The following CRIP2 variants were observed in gnomAD, a reference collection of about 807,000 sequenced individuals.
The protein encoded by CRIP2 is cysteine rich protein 2.
CRIP2 carries 31 observed loss-of-function variants against 31.3 expected under a neutral mutation model. The observed-to-expected ratio is 0.99, with a 90% CI of 0.74 to 1.34. CRIP2 has a LOEUF of 1.34. CRIP2 is among the 40% of genes most tolerant of loss of function. The pLI, the probability that CRIP2 is intolerant of heterozygous loss-of-function variation, is 0.00. For missense variants in CRIP2, 389 were observed against 301.6 expected (o/e 1.29, Z -2.15); for synonymous variants, 177 against 127.2 (o/e 1.39, Z -2.63).
chr14:105,474,965 C>G lies in CRIP2; in HGVS notation c.43+60C>G, dbSNP rs2083900918. 7.0e-7 allele frequency: 1 copy of G among 1,431,452 alleles called. No individual in the cohort carries two copies. Among genetic ancestry groups the G allele is most frequent in the Non-Finnish European group, 9.2e-7 (1 of 1,087,184 alleles). 88.7% of individuals were successfully genotyped at this position (1,431,452 alleles called of 1,614,324 possible). ...ATCCCGCCGCCCTTCGCGGCCAGTCCCGCGCCGCAGAGCCGCGGCGTAACT... is the reference window on the plus strand; with the variant it reads ...ATCCCGCCGCCCTTCGCGGCCAGTCGCGCGCCGCAGAGCCGCGGCGTAACT... On this transcript the variant is annotated intron_variant, in intron 1 of 7. Coordinates refer to ENST00000329146, the MANE Select transcript of CRIP2 (RefSeq NM_001312.4). This position sits in a 1 kb window ranked among gnomAD's most constrained non-coding sequence, Gnocchi z 5.1.
At chr14:105,476,214 C>T (rs1178636788) in intron 1 of CRIP2, 1 of 985,364 alleles carries the variant, frequency 1.0e-6, no homozygotes, top group Non-Finnish European at 1.2e-6. Context: ...CGGGCCAGGC[C>T]AGCCTGGGGC....
upstream of CRIP2, among the ~76,000 whole-genome samples, chr14:105,473,972 C>T (rs587722707): frequency 1.3e-5 from 2 of 152,308 alleles, no homozygotes; most frequent in South Asian, 4.1e-4. Flanking sequence ...CCCCTCCTTC[C>T]CTTCCTAACT....
At chr14:105,473,415 C>T (rs2083874975), upstream of CRIP2, 1 of 1,535,694 alleles carries the variant, frequency 6.5e-7, no homozygotes, top group Non-Finnish European at 8.7e-7. Context: ...GAGGGTGCTG[C>T]CACAGAGAGC....
chr14:105,478,221 G>C lies in CRIP2; in HGVS notation c.44-45G>C, dbSNP rs1256374092. ...TGCCAGGTGGGGGCGGAGGGGGTGC[G>C]GGGCGCGCCCCGGCCCTGACCCCCC... On this transcript the variant is annotated intron_variant, in intron 1 of 7. Coordinates refer to ENST00000329146, the MANE Select transcript of CRIP2 (RefSeq NM_001312.4). This position sits in a 1 kb window ranked among gnomAD's most constrained non-coding sequence, Gnocchi z 4.9. 5 of 1,418,296 alleles carry C rather than the reference G, an allele frequency of 3.5e-6. No homozygotes were observed. In the African/African-American group the frequency reaches 6.0e-5, roughly 17 times the overall value. 87.9% of individuals were successfully genotyped at this position (1,418,296 alleles called of 1,614,324 possible). A position where few individuals can be genotyped will look rare whatever the true frequency, so the allele number is the denominator to read the frequency against.
chr14:105,479,365 T>C, intron 6 of CRIP2, 71 bp from the exon 7 acceptor site: 1 of 1,602,004 alleles, frequency 6.2e-7, no homozygotes. Context: ...GCCTGCACGT[T>C]CTGGAAGCCT....
chr14:105,473,139 T>G, upstream of CRIP2: 1 of 1,325,864 alleles, frequency 7.5e-7, no homozygotes, highest in Non-Finnish European at 1.0e-6. Context: ...TGGAGAGGGT[T>G]TGGCAGTGGG....
Position 105,479,180 on chromosome 14 carries a change from G to T in CRIP2, c.462G>T (p.Glu154Asp), listed in dbSNP as rs959740616. 7 of 1,611,602 alleles carry T rather than the reference G, an allele frequency of 4.3e-6. No individual in the cohort carries two copies. In the African/African-American group the frequency reaches 9.4e-5, roughly 22 times the overall value. The change falls in exon 6 of 8, where the codon GAG (glutamate) becomes GAT (aspartate). Residue 154 changes from glutamate to aspartate, a missense_variant. By Grantham distance (45) the Glu-to-Asp change is conservative (BLOSUM62 2). Transcript: ENST00000329146. Reference sequence around the variant, plus strand: ...GGCACCGGCCCTGCCTGCGCTGCGAGCGCTGCGGGAAGACACTGACCCCCG... The same window carrying T: ...GGCACCGGCCCTGCCTGCGCTGCGATCGCTGCGGGAAGACACTGACCCCCG... Reference protein sequence around the residue: ...KDWHRPCLRCERCGKTLTPGG... With the variant: ...KDWHRPCLRCDRCGKTLTPGG...
Position 105,479,445 on chromosome 14 carries a change from C to T in CRIP2, c.511C>T (p.Gln171Ter). ...TPGGHAEHDG[Q>*]PYCHKPCYGI... is the part of the protein sequence containing the mutation. ...CCACCTTCTGCCCCAGCACGACGGC[C>T]AGCCCTACTGCCACAAGCCCTGCTA... is the stretch of plus-strand genomic sequence containing the variant. The change falls in exon 7 of 8, where the codon CAG (glutamine) becomes TAG (stop). Residue 171 changes from glutamine to a stop codon, truncating the protein, a stop_gained. Transcript: ENST00000329146. LOFTEE classifies it high-confidence loss of function. 1.2e-6 allele frequency: 2 copies of T among 1,612,840 alleles called. No homozygotes were observed. Among genetic ancestry groups the T allele is most frequent in the Non-Finnish European group, 1.7e-6 (2 of 1,179,964 alleles).
chr14:105,479,058 GCCC>G lies in CRIP2; in HGVS notation c.406+12_406+14del, dbSNP rs1567063624. The G allele has an allele frequency of 6.4e-7, 1 of 1,567,414 alleles. No homozygotes were observed. The highest frequency in any genetic ancestry group is 1.2e-5 in the South Asian group (1 of 85,632). On this transcript the variant is annotated intron_variant, in intron 5 of 7. Coordinates refer to ENST00000329146, the MANE Select transcript of CRIP2 (RefSeq NM_001312.4). Reference sequence around the variant, plus strand: ...AGAAGGTGTACTTCGGTGAGTGCGCGCCCGGGCCCCGGACCCCCGCCCCCGCCC... The same window carrying G: ...AGAAGGTGTACTTCGGTGAGTGCGCGGGGCCCCGGACCCCCGCCCCCGCCC...
At position 105,478,589 on chromosome 14, in the gene CRIP2, G is replaced by T. The variant is rs2084007076; in HGVS notation, c.196+82G>T. ...GGCGCTGGGGAGGGCTGGGGGTCCC[G>T]GCCGCCGTGGATCCCCGCCCAGAGT... On this transcript the variant is annotated intron_variant, in intron 3 of 7. Coordinates refer to ENST00000329146, the MANE Select transcript of CRIP2 (RefSeq NM_001312.4). This position sits in a 1 kb window ranked among gnomAD's most constrained non-coding sequence, Gnocchi z 4.9. 6.5e-7 allele frequency: 1 copy of T among 1,532,326 alleles called. No individual in the cohort carries two copies. Among genetic ancestry groups the T allele is most frequent in the Admixed American group, 1.9e-5 (1 of 51,378 alleles). The allele number at this position is 1,532,326 out of a possible 1,614,324, so 94.9% of individuals were successfully genotyped here. A position where few individuals can be genotyped will look rare whatever the true frequency, so the allele number is the denominator to read the frequency against.
chr14:105,476,559 C>T, intron 1 of CRIP2: 1 of 985,530 alleles, frequency 1.0e-6, no homozygotes, highest in Non-Finnish European at 1.2e-6. Context: ...AATGTGTGGC[C>T]ATTGACCCAC....
At chr14:105,477,060 C>A (rs1263205721) in intron 1 of CRIP2, 3 of 185,124 alleles carry the variant, frequency 1.6e-5, no homozygotes, top group East Asian at 1.9e-4. Context: ...TGGTCCTCGG[C>A]CACCTGAGGG....
rs1555435896 is a variant in CRIP2, at chr14:105,476,869, G to A, written c.44-1397G>A. ...GCCCAGAGGGTTGTACCAGGGCCAC[G>A]GAGAGCCAGTATTCACAGCCCTCTA... On this transcript the variant is annotated intron_variant, in intron 1 of 7. Transcript: ENST00000329146. 5 of 692,628 alleles carry A rather than the reference G, an allele frequency of 7.2e-6. No homozygotes were observed. The South Asian group carries it at 1.9e-4, about 27-fold the overall frequency. 42.9% of individuals were successfully genotyped at this position (692,628 alleles called of 1,614,324 possible). A position where few individuals can be genotyped will look rare whatever the true frequency, so the allele number is the denominator to read the frequency against.
At chr14:105,475,714 C>T (rs782542429) in intron 1 of CRIP2, 24 of 640,708 alleles carry the variant, frequency 3.7e-5, no homozygotes, top group African/African-American at 9.9e-5. Context: ...GGCGCGCTCC[C>T]CCCGTCTGGG....
chr14:105,479,698 C>G lies in CRIP2; in HGVS notation c.*45C>G, dbSNP rs370397607. The G allele has an allele frequency of 4.4e-6, 7 of 1,579,750 alleles. No homozygotes were observed. Among genetic ancestry groups the G allele is most frequent in the Middle Eastern group, 1.8e-4 (1 of 5,538 alleles). On this transcript the variant is annotated 3_prime_UTR_variant, in exon 8 of 8. Transcript: ENST00000329146. The stretch of plus-strand genomic sequence containing the variant: ...TGTGGGCTCACCTGCGCCCCAGACC[C>G]TGCAGGGGCCCCCCTGCTTGGCTCT...
chr14:105,480,163 G>A (rs2084062962), downstream of CRIP2: 1 of 165,946 alleles, frequency 6.0e-6, no homozygotes. Context: ...GAGGATTGCA[G>A]GATTGTCTCT....
chr14:105,475,225 G>C (rs1555435515), intron 1 of CRIP2: 1 of 278,742 alleles, frequency 3.6e-6, no homozygotes, highest in East Asian at 6.1e-5. Flanking sequence ...GACGCATCCC[G>C]GTTCCTCGGA....
Position 105,478,377 on chromosome 14 carries a change from G to T in CRIP2, c.138+17G>T. 1 of 1,571,662 alleles carries T rather than the reference G, an allele frequency of 6.4e-7. No individual in the cohort carries two copies. The highest frequency in any genetic ancestry group is 8.6e-7 in the Non-Finnish European group (1 of 1,161,756). ...CACGCCGAGGTGAGCCCCACTGCGC[G>T]GCGCGGGCGGGGGCGGGGGTCGCGA... is the stretch of plus-strand genomic sequence containing the variant. On this transcript the variant is annotated intron_variant, in intron 2 of 7. Coordinates refer to ENST00000329146, the MANE Select transcript of CRIP2 (RefSeq NM_001312.4). This position sits in a 1 kb window ranked among gnomAD's most constrained non-coding sequence, Gnocchi z 4.9.
At chr14:105,473,356 G>A, upstream of CRIP2, 1 of 1,535,346 alleles carries the variant, frequency 6.5e-7, no homozygotes, top group South Asian at 1.2e-5. Flanking sequence ...TTTCTGGCCT[G>A]CTGTCACCAT....
Sources: allele counts gnomAD v4.1 joint callset (sites outside exome capture counted in the v4.1 genomes callset), GRCh38; gene constraint gnomAD v4.1.1; non-coding constraint Gnocchi (gnomAD v3.1); transcripts MANE v1.5; gene names NCBI Gene and HGNC (gene_info 2026-07-23, HGNC 2026-07-21).